The following SLC34A2 variants were observed in gnomAD, a reference collection of about 807,000 sequenced individuals.
The protein encoded by SLC34A2 is solute carrier family 34 member 2, also known as sodium-dependent phosphate transport protein 2B.
A neutral mutation model predicts 50.8 loss-of-function variants in SLC34A2; 41 were observed. The observed-to-expected ratio is 0.81, with a 90% CI of 0.63 to 1.05. The LOEUF (loss-of-function observed/expected upper bound fraction) is 1.05, where lower values mean the gene tolerates loss of function less well. Ranked by LOEUF, SLC34A2 falls within the 50% of genes least tolerant of loss-of-function variation. SLC34A2 has a pLI of 0.00. For synonymous variants in SLC34A2, 401 were observed against 364.2 expected (o/e 1.10, Z -1.15); for missense variants, 879 against 876.7 (o/e 1.00, Z -0.03).
chr4:25,671,756 G>C, intron 9 of SLC34A2, 35 bp downstream of exon 9: 1 of 1,614,024 alleles, frequency 6.2e-7, no homozygotes, highest in Non-Finnish European at 8.5e-7. Context: ...CACTATGACA[G>C]GTGTTGTCTG....
Position 25,676,536 on chromosome 4 carries a change from C to T in SLC34A2, c.1860C>T (p.Cys620=). The change falls in exon 13 of 13, where the codon TGC becomes TGT. Residue 620 remains cysteine (C), a synonymous_variant. Transcript: ENST00000382051. ...FTGCFQMRCC[C]CCRVCCRACC... ...GCTGCTTCCAGATGCGCTGCTGCTG[C>T]TGCTGCCGCGTGTGCTGCCGCGCGT... 1 of 1,613,784 alleles carries T rather than the reference C, an allele frequency of 6.2e-7. No individual in the cohort carries two copies. Among genetic ancestry groups the T allele is most frequent in the Non-Finnish European group, 8.5e-7 (1 of 1,179,844 alleles).
At chr4:25,659,202 A>G (rs970164972) in intron 1 of SLC34A2, among the ~76,000 whole-genome samples, 4 of 152,018 alleles carry the variant, frequency 2.6e-5, no homozygotes, top group Non-Finnish European at 5.9e-5. Context: ...CACCAGCTCC[A>G]GGTAGTTGGA....
intron 12 of SLC34A2, among the ~76,000 whole-genome samples, chr4:25,675,744 G>A (rs1715073922): frequency 6.6e-6 from 1 of 152,190 alleles, no homozygotes; most frequent in Non-Finnish European, 1.5e-5. Context: ...CACAGCCTGG[G>A]CATGGAAATT....
chr4:25,670,638 A>C, intron 7 of SLC34A2, 100 bp from the exon 8 acceptor site: 1 of 869,938 alleles, frequency 1.1e-6, no homozygotes, highest in Non-Finnish European at 1.9e-6. Context: ...TCACAGTCAC[A>C]TTTATCTCCT....
intron 10 of SLC34A2, among the ~76,000 whole-genome samples, chr4:25,673,568 C>G (rs138038136): frequency 1.3e-4 from 20 of 152,194 alleles, no homozygotes; most frequent in African/African-American, 4.8e-4. Context: ...TGTCAAGACC[C>G]CTTAGAAAAA....
Position 25,662,909 on chromosome 4 carries a change from C to T in SLC34A2, c.250+67C>T, listed in dbSNP as rs974588077. ...CTGTGGTTCACGGTGTCATCATCCT[C>T]CTGTCCCTCCCCCTTTTCATTGTTC... On this transcript the variant is annotated intron_variant, in intron 3 of 12. Coordinates refer to ENST00000382051, the MANE Select transcript of SLC34A2 (RefSeq NM_006424.3). 8.3e-6 allele frequency: 13 copies of T among 1,563,302 alleles called. No homozygotes were observed. The African/African-American group carries it at 1.6e-4, about 20-fold the overall frequency.
rs528169119 is a variant in SLC34A2 at position 25,676,826 on chromosome 4, C to T, written c.*77C>T. 1.8e-5 allele frequency: 28 copies of T among 1,594,052 alleles called. No individual in the cohort carries two copies. The highest frequency in any genetic ancestry group is 2.2e-5 in the South Asian group (2 of 89,844). On this transcript the variant is annotated 3_prime_UTR_variant, in exon 13 of 13. Coordinates refer to ENST00000382051, the MANE Select transcript of SLC34A2 (RefSeq NM_006424.3). ...CTCTCCTCCCTCCCACTTCTGCACC[C>T]TTTCACCACCTCGAGGAGATTTGCT...
intron 1 of SLC34A2, among the ~76,000 whole-genome samples, chr4:25,660,786 C>A (rs1214383499): frequency 6.6e-6 from 1 of 152,218 alleles, no homozygotes; most frequent in Non-Finnish European, 1.5e-5. Flanking sequence ...CTCAGATGAT[C>A]CACCTGCCTC....
At position 25,674,728 on chromosome 4, in the gene SLC34A2, T is replaced by C. The variant is rs1577504223; in HGVS notation, c.1458+99T>C. On this transcript the variant is annotated intron_variant, in intron 12 of 12. Transcript: ENST00000382051. ...AAGAGCCAGGCTTTTCTCTGTACTATCCAAAATATGGAACTAATATGTGGA... is the reference window on the plus strand; with the variant it reads ...AAGAGCCAGGCTTTTCTCTGTACTACCCAAAATATGGAACTAATATGTGGA... 2.1e-5 allele frequency: 31 copies of C among 1,496,572 alleles called. No individual in the cohort carries two copies. The South Asian group carries it at 3.8e-4, about 18-fold the overall frequency. The allele number at this position is 1,496,572 out of a possible 1,614,324, so 92.7% of individuals were successfully genotyped here.
intron 1 of SLC34A2, among the ~76,000 whole-genome samples, chr4:25,660,724 TA>T (rs1271206516): frequency 2.0e-5 from 3 of 152,174 alleles, no homozygotes; most frequent in African/African-American, 7.2e-5. Flanking sequence ...TTTGTATTTT[TA>T]GTAGAGACGG....
In SLC34A2 at chr4:25,676,941, C is replaced by T. The variant is rs1043645103; in HGVS notation, c.*192C>T. ...CCTGCAGGGCACTTTTATTCCAACC[C>T]CTGGTCACTCAGTAATCTTTTACTC... On this transcript the variant is annotated 3_prime_UTR_variant, in exon 13 of 13. Transcript: ENST00000382051. 3 of 669,516 alleles carry T rather than the reference C, an allele frequency of 4.5e-6. No homozygotes were observed. The highest frequency in any genetic ancestry group is 7.7e-6 in the Non-Finnish European group (3 of 387,808). 41.5% of individuals were successfully genotyped at this position (669,516 alleles called of 1,614,324 possible).
chr4:25,674,239 C>T, intron 10 of SLC34A2, 57 bp from the exon 11 acceptor site: 1 of 1,369,860 alleles, frequency 7.3e-7, no homozygotes, highest in South Asian at 1.2e-5. Context: ...CTACCCCAGG[C>T]CACCAGGCCA....
Position 25,676,905 on chromosome 4 carries a change from T to C in SLC34A2, c.*156T>C. Reference sequence around the variant, plus strand: ...CCTACCTAACTCGATTCCCTTTGGCTTGGTGGTAGGCCTGCAGGGCACTTT... The same window carrying C: ...CCTACCTAACTCGATTCCCTTTGGCCTGGTGGTAGGCCTGCAGGGCACTTT... On this transcript the variant is annotated 3_prime_UTR_variant, in exon 13 of 13. Transcript: ENST00000382051. 1 of 979,152 alleles carries C rather than the reference T, an allele frequency of 1.0e-6. No homozygotes were observed. The highest frequency in any genetic ancestry group is 1.4e-6 in the Non-Finnish European group (1 of 707,982). 60.7% of individuals were successfully genotyped at this position (979,152 alleles called of 1,614,324 possible). A position where few individuals can be genotyped will look rare whatever the true frequency, so the allele number is the denominator to read the frequency against.
rs560454073 is a variant in SLC34A2 at position 25,663,595 on chromosome 4, C to A, written c.251-607C>A. Among the ~76,000 whole-genome samples, 4 of 151,540 alleles carry A rather than the reference C, an allele frequency of 2.6e-5. 1 individual carries two copies. Among genetic ancestry groups the A allele is most frequent in the African/African-American group, 9.7e-5 (4 of 41,238 alleles). On this transcript the variant is annotated intron_variant, in intron 3 of 12. Transcript: ENST00000382051. ...GCAGAAGGTCTGTCTGTGAACTAGA[C>A]AGCAAGGAGGAAAAAGGAGATTGGG...
chr4:25,661,551 C>T (rs1714185760), intron 1 of SLC34A2, among the ~76,000 whole-genome samples: 9 of 151,966 alleles, frequency 5.9e-5, no homozygotes, highest in Admixed American at 5.9e-4. Flanking sequence ...CCATCCCCTG[C>T]TAATTTTTGT....
Position 25,670,769 on chromosome 4 carries a change from T to C in SLC34A2, c.863T>C (p.Met288Thr), listed in dbSNP as rs771522281. Reference protein sequence around the residue: ...LDKKVISQIAMNDEKAKNKSL... With the variant: ...LDKKVISQIATNDEKAKNKSL... ...AAAAAAGTTATCAGCCAAATTGCAA[T>C]GAACGATGAAAAAGCGAAAAACAAG... is the stretch of plus-strand genomic sequence containing the variant. Residue 288 changes from methionine to threonine, a missense_variant, in exon 8 of 13, where the codon ATG (methionine) becomes ACG (threonine). Met to Thr is a moderately conservative substitution (Grantham distance 81). Transcript: ENST00000382051. 3 of 1,614,006 alleles carry C rather than the reference T, an allele frequency of 1.9e-6. No homozygotes were observed. In the South Asian group the frequency reaches 3.3e-5, roughly 18 times the overall value.
chr4:25,668,108 C>T, intron 6 of SLC34A2, 117 bp downstream of exon 6: 1 of 742,552 alleles, frequency 1.3e-6, no homozygotes, highest in Admixed American at 2.0e-5. Context: ...CCTGGAGTTC[C>T]TAGAAGTAAC....
Position 25,662,825 on chromosome 4 carries a change from CG to C in SLC34A2, c.237del (p.Ile80SerfsTer22). The C allele has an allele frequency of 1.2e-6, 2 of 1,613,996 alleles. No homozygotes were observed. The highest frequency in any genetic ancestry group is 1.7e-6 in the Non-Finnish European group (2 of 1,179,986). ...TGGAACCTACCCACTCTTCAGGACT[CG>C]GGGATCAAGTGGTCAGGTAAAAGTG... ...DPWNLPTLQD[S>X]GIKWSERDTK... On this transcript the variant is annotated frameshift_variant, in exon 3 of 13. Transcript: ENST00000382051. LOFTEE classifies it high-confidence loss of function.
chr4:25,670,200 G>A (rs1218141110), intron 7 of SLC34A2, among the ~76,000 whole-genome samples: 1 of 152,176 alleles, frequency 6.6e-6, no homozygotes, highest in Non-Finnish European at 1.5e-5. Context: ...CTCCAGCCTG[G>A]GTGACAAAGT....
Sources: allele counts gnomAD v4.1 joint callset (sites outside exome capture counted in the v4.1 genomes callset), GRCh38; gene constraint gnomAD v4.1.1; transcripts MANE v1.5; gene names NCBI Gene and HGNC (gene_info 2026-07-23, HGNC 2026-07-21).